The following BMPR2 variants were observed in gnomAD, a reference collection of about 807,000 sequenced individuals.
The protein encoded by BMPR2 is bone morphogenetic protein receptor type-2.
BMPR2 carries 29 observed loss-of-function variants against 100.8 expected under a neutral mutation model. The ratio of observed to expected loss-of-function variants is 0.29; its 90% CI spans 0.21 to 0.39. BMPR2 has a LOEUF of 0.39. BMPR2 is among the 10% of genes least tolerant of loss of function. The pLI is 1.00. For synonymous variants in BMPR2, 382 were observed against 442.3 expected (o/e 0.86, Z 1.71); for missense variants, 1,011 against 1,274.5 (o/e 0.79, Z 3.15).
intron 3 of BMPR2, among the ~76,000 whole-genome samples, chr2:202,475,528 T>A (rs2105969046): frequency 6.6e-6 from 1 of 152,312 alleles, no homozygotes; most frequent in East Asian, 1.9e-4. Context: ...AAATTCCATT[T>A]ACACATTATT....
chr2:202,518,036 C>T (rs1311107997), intron 5 of BMPR2, among the ~76,000 whole-genome samples: 4 of 144,664 alleles, frequency 2.8e-5, no homozygotes, highest in African/African-American at 1.0e-4. Flanking sequence ...CCGTGTTAGC[C>T]AGGATGGTCT....
At chr2:202,470,995 G>C (rs1049114007) in intron 3 of BMPR2, among the ~76,000 whole-genome samples, 1 of 152,126 alleles carries the variant, frequency 6.6e-6, no homozygotes, top group African/African-American at 2.4e-5. Context: ...GGAAGTCAAG[G>C]CTGCATTGAG....
rs2106006767 is a variant in BMPR2 at position 202,518,830 on chromosome 2, C to T, written c.630C>T (p.Gly210=). ...CTTTAAAACACTTGCAGCTGATTGG[C>T]CGAGGTCGATATGGAGCAGTATATA... ...LDNLKLLELI[G]RGRYGAVYKG... The change falls in exon 6 of 13, where the codon GGC becomes GGT. Residue 210 remains glycine, a synonymous_variant. Transcript: ENST00000374580. 6.2e-7 allele frequency: 1 copy of T among 1,614,030 alleles called. No individual in the cohort carries two copies. Among genetic ancestry groups the T allele is most frequent in the Non-Finnish European group, 8.5e-7 (1 of 1,179,918 alleles).
intron 1 of BMPR2, among the ~76,000 whole-genome samples, chr2:202,421,429 A>G (rs1305246856): frequency 6.6e-6 from 1 of 150,454 alleles, no homozygotes; most frequent in Admixed American, 6.7e-5. Flanking sequence ...TCTTAGCACT[A>G]TAGTATTTGA....
chr2:202,401,088 A>G (rs557511088), intron 1 of BMPR2, among the ~76,000 whole-genome samples: 2 of 152,252 alleles, frequency 1.3e-5, no homozygotes, highest in South Asian at 4.1e-4. Context: ...TAAGCCAGGC[A>G]AAGGTTGGCA....
At position 202,503,039 on chromosome 2, in the gene BMPR2, CT is replaced by C. The variant is rs1005780088; in HGVS notation, c.419-10679del. Among the ~76,000 whole-genome samples the C allele has an allele frequency of 1.3e-5, 2 of 152,230 alleles. No individual in the cohort carries two copies. Among genetic ancestry groups the C allele is most frequent in the Non-Finnish European group, 2.9e-5 (2 of 68,052 alleles). ...TTCAACTAACAACTTCTACTGAGGA[CT>C]CCTGGACCGACCCTCTGGCACTTCC... On this transcript the variant is annotated intron_variant, in intron 3 of 12. Transcript: ENST00000374580. The surrounding 1 kb of genome is among the most constrained non-coding windows in gnomAD (Gnocchi z 4.0).
chr2:202,400,142 G>A (rs536065817), intron 1 of BMPR2, among the ~76,000 whole-genome samples: 10 of 151,950 alleles, frequency 6.6e-5, no homozygotes, highest in African/African-American at 2.2e-4. Context: ...AGTTGAATTA[G>A]TTTATTATTA....
chr2:202,470,758 G>A (rs1259023644), intron 3 of BMPR2, among the ~76,000 whole-genome samples: 11 of 139,452 alleles, frequency 7.9e-5, no homozygotes, highest in Admixed American at 5.9e-4. Context: ...GCGACAGAGC[G>A]AGACTCCGTC....
intron 5 of BMPR2, 77 bp downstream of exon 5, chr2:202,515,056 T>C: frequency 7.4e-7 from 1 of 1,354,394 alleles, no homozygotes; most frequent in Non-Finnish European, 1.1e-6. Context: ...ATTCAATCAT[T>C]AAGACATTCA....
At chr2:202,531,854 C>G (rs2106019155) in intron 8 of BMPR2, among the ~76,000 whole-genome samples, 1 of 151,070 alleles carries the variant, frequency 6.6e-6, no homozygotes, top group Admixed American at 6.6e-5. Flanking sequence ...TCTTGAAGTC[C>G]TGACCTTAGG....
rs942845113 is a variant in BMPR2, at chr2:202,562,940, A to G, written c.*2994A>G. ...TTCTCTTAAACCTCAGAGCAACCAT[A>G]TGAGCATTGTAATTAATATTCCCAT... is the stretch of plus-strand genomic sequence containing the variant. On this transcript the variant is annotated 3_prime_UTR_variant, in exon 13 of 13. Transcript: ENST00000374580. 1 of 152,186 alleles carries G rather than the reference A, an allele frequency of 6.6e-6. No homozygotes were observed. The highest frequency in any genetic ancestry group is 2.4e-5 in the African/African-American group (1 of 41,456). 9.4% of individuals were successfully genotyped at this position (152,186 alleles called of 1,614,324 possible).
At chr2:202,530,710 T>A (rs1042174370) in intron 7 of BMPR2, 84 bp from the exon 8 acceptor site, 5 of 1,247,290 alleles carry the variant, frequency 4.0e-6, no homozygotes, top group Non-Finnish European at 5.6e-6. Flanking sequence ...AGAAAAATAA[T>A]ACTACTTCTA....
Position 202,564,206 on chromosome 2 carries a change from A to G in BMPR2, c.*4260A>G, listed in dbSNP as rs1446244445. Reference sequence around the variant, plus strand: ...ATGAGCTTTTCCTTTTTTCATATTTATGGACATGAATATTTTATTGGAGAT... The same window carrying G: ...ATGAGCTTTTCCTTTTTTCATATTTGTGGACATGAATATTTTATTGGAGAT... On this transcript the variant is annotated 3_prime_UTR_variant, in exon 13 of 13. Transcript: ENST00000374580. 2 of 152,156 alleles carry G rather than the reference A, an allele frequency of 1.3e-5. No individual in the cohort carries two copies. Among genetic ancestry groups the G allele is most frequent in the East Asian group, 1.9e-4 (1 of 5,204 alleles). 9.4% of individuals were successfully genotyped at this position (152,156 alleles called of 1,614,324 possible). A position where few individuals can be genotyped will look rare whatever the true frequency, so the allele number is the denominator to read the frequency against.
At chr2:202,541,837 C>T (rs1688281595) in intron 9 of BMPR2, among the ~76,000 whole-genome samples, 1 of 152,172 alleles carries the variant, frequency 6.6e-6, no homozygotes, top group South Asian at 2.1e-4. Flanking sequence ...TTAGACTGGG[C>T]ATGGTGGCTC....
chr2:202,379,921 G>A (rs1690240113), intron 1 of BMPR2, among the ~76,000 whole-genome samples: 2 of 151,558 alleles, frequency 1.3e-5, no homozygotes, highest in Admixed American at 1.3e-4. Context: ...GCAGTGGCAC[G>A]ACCCTGGCTC....
intron 1 of BMPR2, among the ~76,000 whole-genome samples, chr2:202,421,648 A>C (rs1251495439): frequency 6.6e-6 from 1 of 151,810 alleles, no homozygotes; most frequent in Non-Finnish European, 1.5e-5. Context: ...TCTCAAAAAA[A>C]AAAAAAAAAG....
At chr2:202,409,403 A>G (rs913043438) in intron 1 of BMPR2, among the ~76,000 whole-genome samples, 50 of 152,060 alleles carry the variant, frequency 3.3e-4, no homozygotes, top group Admixed American at 3.3e-3. Context: ...TCCAAAACCA[A>G]AAACCCCACA....
intron 1 of BMPR2, among the ~76,000 whole-genome samples, chr2:202,440,548 C>G (rs568874430): frequency 6.6e-6 from 1 of 150,780 alleles, no homozygotes; most frequent in South Asian, 2.1e-4. Context: ...AGACGCTCCT[C>G]ACTTCCCAGA....
chr2:202,522,986 A>G (rs1255956730), intron 7 of BMPR2, among the ~76,000 whole-genome samples: 1 of 152,198 alleles, frequency 6.6e-6, no homozygotes, highest in Non-Finnish European at 1.5e-5. Flanking sequence ...TTCACGTCCA[A>G]CAAAGGTCTA....
Sources: gnomAD v4.1 joint callset for allele counts (sites outside exome capture counted in the v4.1 genomes callset) on GRCh38, gnomAD v4.1.1 for gene constraint, Gnocchi (gnomAD v3.1) non-coding constraint, MANE v1.5 for transcripts, NCBI Gene and HGNC (gene_info 2026-07-23, HGNC 2026-07-21) for gene names.